LRRK1: variants seen among roughly 807,000 people sequenced by gnomAD.
LRRK1 encodes the protein leucine-rich repeat serine/threonine-protein kinase 1.
Under a neutral mutation model 209.1 loss-of-function variants are expected in LRRK1, and 113 were observed. The ratio of observed to expected loss-of-function variants is 0.54; its 90% confidence interval spans 0.46 to 0.63. The LOEUF (loss-of-function observed/expected upper bound fraction) is 0.63. Ranked by LOEUF, LRRK1 falls within the 30% of genes least tolerant of loss-of-function variation. The pLI is 0.00. For missense variants in LRRK1, 2,284 were observed against 2,632.2 expected (o/e 0.87, Z 2.89); for synonymous variants, 1,144 against 1,099.7 (o/e 1.04, Z -0.80).
rs115378721 is a variant in LRRK1 at position 101,012,998 on chromosome 15, G to A, written c.1419+853G>A. Among the ~76,000 whole-genome samples, 770 of 152,258 alleles carry A rather than the reference G, an allele frequency of 5.1e-3. 5 individuals carry two copies. Among genetic ancestry groups the A allele is most frequent in the African/African-American group, 0.018 (738 of 41,546 alleles). On this transcript the variant is annotated intron_variant, in intron 10 of 33. Coordinates refer to ENST00000388948, the MANE Select transcript of LRRK1 (RefSeq NM_024652.6). ...GCCCCTGTTCTGAGTCTGTCTTCTC[G>A]TATTTCACACCAACAACTAGCAGGC...
chr15:100,962,800 T>TATATACATATATATATATATATATAC (rs1422041164), intron 2 of LRRK1, among the ~76,000 whole-genome samples: 6 of 17,276 alleles, frequency 3.5e-4, no homozygotes, highest in Non-Finnish European at 6.5e-4. Flanking sequence ...TTTGCATATA[T>TATATACATATATATATATATATATAC]ATATATATAT....
intron 20 of LRRK1, 102 bp downstream of exon 20, chr15:101,029,334 A>C: frequency 1.6e-6 from 2 of 1,216,256 alleles, no homozygotes; most frequent in Non-Finnish European, 2.3e-6. Flanking sequence ...TCCAGGGATC[A>C]GTGCTGCCAC....
Position 101,027,829 on chromosome 15 carries a change from C to A in LRRK1, c.2686+32C>A. On this transcript the variant is annotated intron_variant, in intron 19 of 33. Transcript: ENST00000388948. The surrounding 1 kb of genome is among the most constrained non-coding windows in gnomAD (Gnocchi z 5.1). ...GGGGCTGGGGTAGGTGGCAGGGTGCCCGTGAGAAATGGAACTGTCTGTACT... is the reference window on the plus strand; with the variant it reads ...GGGGCTGGGGTAGGTGGCAGGGTGCACGTGAGAAATGGAACTGTCTGTACT... 6.5e-7 allele frequency: 1 copy of A among 1,534,384 alleles called. No individual in the cohort carries two copies. The highest frequency in any genetic ancestry group is 2.4e-5 in the East Asian group (1 of 41,344).
chr15:101,038,430 G>A (rs1245531987), intron 20 of LRRK1, among the ~76,000 whole-genome samples: 2 of 152,196 alleles, frequency 1.3e-5, no homozygotes, highest in Admixed American at 6.5e-5. Context: ...CTCAGAGAGT[G>A]TGAGACCTAG....
chr15:101,029,741 G>A (rs1160792676), intron 20 of LRRK1, among the ~76,000 whole-genome samples: 1 of 152,126 alleles, frequency 6.6e-6, no homozygotes, highest in African/African-American at 2.4e-5. Context: ...GGTGGTGCAT[G>A]CCTGTAATCC....
intron 2 of LRRK1, among the ~76,000 whole-genome samples, chr15:100,960,733 A>C (rs1187690459): frequency 1.3e-5 from 2 of 152,170 alleles, no homozygotes; most frequent in African/African-American, 2.4e-5. Flanking sequence ...AGCACATAGG[A>C]GGTACTAAAT....
At position 101,057,017 on chromosome 15, in the gene LRRK1, C is replaced by T. The variant is rs766616360; in HGVS notation, c.4494C>T (p.Leu1498=). The change falls in exon 28 of 34, where the codon CTC becomes CTT. Residue 1498 remains leucine (L), a synonymous_variant. Coordinates refer to ENST00000388948, the MANE Select transcript of LRRK1 (RefSeq NM_024652.6). ...TGCAGTTCCGGCGACTGCAGGCGCT[C>T]ATGATGGAGTGCTGGGACACTAAGC... ...EEVQFRRLQA[L]MMECWDTKPE... 3 of 1,613,086 alleles carry T rather than the reference C, an allele frequency of 1.9e-6. No individual in the cohort carries two copies. The highest frequency in any genetic ancestry group is 1.1e-5 in the South Asian group (1 of 90,928).
intron 2 of LRRK1, among the ~76,000 whole-genome samples, chr15:100,934,828 G>GAAGA (rs2042272016): frequency 6.7e-6 from 1 of 149,238 alleles, no homozygotes; most frequent in Non-Finnish European, 1.5e-5. Flanking sequence ...AAAAAGGAAG[G>GAAGA]AAGAAGAAAA....
intron 30 of LRRK1, among the ~76,000 whole-genome samples, chr15:101,062,189 G>A (rs1307283417): frequency 1.3e-5 from 2 of 152,222 alleles, no homozygotes; most frequent in Non-Finnish European, 2.9e-5. Context: ...GGAAAGCAAG[G>A]GCTCTGCCTA....
intron 2 of LRRK1, 114 bp from the exon 3 acceptor site, chr15:100,973,690 G>A: frequency 9.4e-7 from 1 of 1,069,328 alleles, no homozygotes; most frequent in South Asian, 4.8e-5. Context: ...TCTTCCTGAA[G>A]CCCCCGCGAT....
intron 2 of LRRK1, among the ~76,000 whole-genome samples, chr15:100,957,000 G>A (rs2042779671): frequency 1.3e-5 from 2 of 151,920 alleles, no homozygotes; most frequent in Non-Finnish European, 2.9e-5. Context: ...TTTCCTTTTC[G>A]ACTTGTCTGA....
chr15:100,975,609 G>C (rs1250729569), intron 3 of LRRK1, among the ~76,000 whole-genome samples: 3 of 152,152 alleles, frequency 2.0e-5, no homozygotes, highest in Non-Finnish European at 4.4e-5. Flanking sequence ...GTGAGGAAAA[G>C]GATGGATACA....
chr15:101,015,202 C>T (rs1377072478), intron 11 of LRRK1, 124 bp from the exon 12 acceptor site: 4 of 729,014 alleles, frequency 5.5e-6, no homozygotes, highest in Non-Finnish European at 9.5e-6. Context: ...GCGCCCCTGC[C>T]AGGCCCTGAA....
Position 101,056,841 on chromosome 15 carries a change from T to A in LRRK1, c.4333-15T>A, listed in dbSNP as rs2035837520. The A allele has an allele frequency of 6.3e-7, 1 of 1,576,606 alleles. No individual in the cohort carries two copies. On this transcript the variant is annotated splice_polypyrimidine_tract_variant and intron_variant, in intron 27 of 33. Transcript: ENST00000388948. ...GGCCCAGGCAGCGACCTGACTTGGC[T>A]TGTTCTGTGCCCAGGTAGATATGTT... is the stretch of plus-strand genomic sequence containing the variant.
chr15:101,007,074 G>C (rs2032993598), intron 6 of LRRK1, among the ~76,000 whole-genome samples: 1 of 152,218 alleles, frequency 6.6e-6, no homozygotes, highest in African/African-American at 2.4e-5. Flanking sequence ...GGAGTGTTGA[G>C]GGGCGTAGGC....
At position 101,053,376 on chromosome 15, in the gene LRRK1, C is replaced by T. The variant is rs772060404; in HGVS notation, c.4010C>T (p.Ala1337Val). The change falls in exon 26 of 34, where the codon GCG becomes GTG. Residue 1337 changes from alanine to valine, a missense_variant. Coordinates refer to ENST00000388948, the MANE Select transcript of LRRK1 (RefSeq NM_024652.6). ...IHPLCFALEL[A>V]PLSSLNTVLS... ...CCGCTCTGCTTCGCCCTGGAGCTCG[C>T]GCCGCTCAGCAGCCTCAACACCGTG... is the stretch of plus-strand genomic sequence containing the variant. 6.2e-7 allele frequency: 1 copy of T among 1,600,534 alleles called. No homozygotes were observed. Among genetic ancestry groups the T allele is most frequent in the South Asian group, 1.1e-5 (1 of 91,018 alleles).
At chr15:100,988,542 C>A (rs141577183) in intron 4 of LRRK1, 92 bp from the exon 5 acceptor site, 2 of 1,129,600 alleles carry the variant, frequency 1.8e-6, no homozygotes, top group Non-Finnish European at 2.7e-6. Context: ...TTTAACCAGT[C>A]CATTGCTACT....
At position 100,919,740 on chromosome 15, in the gene LRRK1, C is replaced by G. The variant is rs1201485385; in HGVS notation, c.-123+289C>G. On this transcript the variant is annotated intron_variant, in intron 1 of 33. Transcript: ENST00000388948. This position sits in a 1 kb window ranked among gnomAD's most constrained non-coding sequence, Gnocchi z 5.8. ...GGGAGGGGAGCGCGCGGGGCCCGAG[C>G]AGGGAACCCCGAAACCCCGTCCGGG... 6.6e-6 allele frequency among the ~76,000 whole-genome samples: 1 copy of G among 151,870 alleles called. No individual in the cohort carries two copies. The highest frequency in any genetic ancestry group is 2.4e-5 in the African/African-American group (1 of 41,352).
At chr15:100,960,999 T>C (rs939699943) in intron 2 of LRRK1, among the ~76,000 whole-genome samples, 3 of 152,224 alleles carry the variant, frequency 2.0e-5, no homozygotes, top group African/African-American at 7.2e-5. Context: ...GTTGTCTTAG[T>C]TCGTTTTCTG....
Sources: allele counts gnomAD v4.1 joint callset (sites outside exome capture counted in the v4.1 genomes callset), GRCh38; gene constraint gnomAD v4.1.1; non-coding constraint Gnocchi (gnomAD v3.1); transcripts MANE v1.5; gene names NCBI Gene and HGNC (gene_info 2026-07-23, HGNC 2026-07-21).